ZIC3: variants seen among roughly 807,000 people sequenced by gnomAD.
ZIC3 encodes Zic family zinc finger 3.
Under a neutral mutation model 18.3 loss-of-function variants are expected in ZIC3, and 6 were observed. The ratio of observed to expected loss-of-function variants is 0.33; its 90% CI spans 0.18 to 0.65. The LOEUF (loss-of-function observed/expected upper bound fraction) is 0.65. ZIC3 is among the 30% of genes least tolerant of loss of function. ZIC3 has a pLI of 0.75. For missense variants in ZIC3, 260 were observed against 410.0 expected (o/e 0.63, Z 3.16); for synonymous variants, 175 against 177.0 (o/e 0.99, Z 0.09).
chrX:137,572,797 G>A (rs1217043319), downstream of ZIC3, among the ~76,000 whole-genome samples: 2 of 110,953 alleles, frequency 1.8e-5, no homozygotes, highest in African/African-American at 6.6e-5. Context: ...AGAGCAGTTT[G>A]ATCTTTTCTT....
At chrX:137,569,175 G>T in intron 2 of ZIC3, 110 bp downstream of exon 2, 1 of 772,296 alleles carries the variant, frequency 1.3e-6, no homozygotes, top group Non-Finnish European at 1.8e-6. Context: ...CGTTAAATCC[G>T]ATTTGCTCCA....
chrX:137,566,914 A>G lies in ZIC3; in HGVS notation c.223A>G (p.Thr75Ala). 1 of 1,165,237 alleles carries G rather than the reference A, an allele frequency of 8.6e-7. No homozygotes were observed. Among genetic ancestry groups the G allele is most frequent in the East Asian group, 3.3e-5 (1 of 30,737 alleles). Residue 75 changes from threonine (T) to alanine (A), a missense_variant, in exon 1 of 3, where the codon ACG becomes GCG. Coordinates refer to ENST00000287538, the MANE Select transcript of ZIC3 (RefSeq NM_003413.4). Reference protein sequence around the residue: ...DLSSGQSSAFTPQGSGYANAL... With the variant: ...DLSSGQSSAFAPQGSGYANAL... ...ATCTTCAGGCCAGAGCTCGGCTTTC[A>G]CGCCGCAGGGTTCGGGCTACGCCAA...
downstream of ZIC3, among the ~76,000 whole-genome samples, chrX:137,575,289 GTA>G (rs1282816082): frequency 1.8e-5 from 2 of 112,019 alleles, no homozygotes; most frequent in Non-Finnish European, 3.8e-5. Flanking sequence ...TCCGTTTTCT[GTA>G]TATCTCATTT....
chrX:137,576,890 T>A (rs1006764517), downstream of ZIC3, among the ~76,000 whole-genome samples: 3 of 112,175 alleles, frequency 2.7e-5, no homozygotes, highest in African/African-American at 9.7e-5. Context: ...TGGCAAATTA[T>A]AATATTTGAT....
exon 3 of ZIC3, chrX:137,577,336 T>C (rs1294025028): frequency 2.5e-6 from 1 of 403,330 alleles, no homozygotes; most frequent in African/African-American, 2.5e-5. Flanking sequence ...ATTTTAAGAG[T>C]AGTAGCTTCT....
At position 137,566,760 on chromosome X, in the gene ZIC3, C is replaced by A; in HGVS notation, c.69C>A (p.Arg23=). The change falls in exon 1 of 3, where the codon CGC becomes CGA. Residue 23 remains arginine, a synonymous_variant. Transcript: ENST00000287538. ...GAGTGGGCAGCTTCGGCGCGCCGCG[C>A]CACCACGAGATGCCCAACCGTGAGC... ...GLGVGSFGAP[R]HHEMPNREPA... is the part of the protein sequence containing the mutation. 2 of 1,190,467 alleles carry A rather than the reference C, an allele frequency of 1.7e-6. No homozygotes were observed. Among genetic ancestry groups the A allele is most frequent in the African/African-American group, 1.7e-5 (1 of 57,790 alleles).
At position 137,571,949 on chromosome X, in the gene ZIC3, G is replaced by C; in HGVS notation, c.*1879G>C. 2.7e-5 allele frequency among the ~76,000 whole-genome samples: 3 copies of C among 112,211 alleles called. 1 individual carries two copies. The Middle Eastern group carries it at 0.014, about 515-fold the overall frequency. On this transcript the variant is annotated 3_prime_UTR_variant, in exon 3 of 3. Coordinates refer to ENST00000287538, the MANE Select transcript of ZIC3 (RefSeq NM_003413.4). ...AATTGTAAAGTATTTAGAATGTATT[G>C]AATAGGCTTAAGTACCTCCTTTAAG...
At chrX:137,577,463 A>G (rs1043741275) in exon 3 of ZIC3, 1 of 319,141 alleles carries the variant, frequency 3.1e-6, no homozygotes. Context: ...TATAAATGGG[A>G]AGATGGAGGT....
rs1931414737 is a variant in ZIC3 at position 137,570,000 on chromosome X, C to T, written c.1334C>T (p.Pro445Leu). The T allele has an allele frequency of 8.3e-7, 1 of 1,210,459 alleles. No individual in the cohort carries two copies. Among genetic ancestry groups the T allele is most frequent in the South Asian group, 1.8e-5 (1 of 56,863 alleles). The change falls in exon 3 of 3, where the codon CCT becomes CTT. Residue 445 changes from proline (P) to leucine (L), a missense_variant. This residue lies in a region of ZIC3 where 52 missense variants were observed against 111.5 expected (regional missense o/e 0.47). Coordinates refer to ENST00000287538, the MANE Select transcript of ZIC3 (RefSeq NM_003413.4). ...AACAGTAAAGATACCACTAAAACCC[C>T]TTCTGCAGTTCAAACTAGCACCAGC... ...SANSKDTTKT[P>L]SAVQTSTSHN...
Position 137,566,652 on chromosome X carries a change from T to C in ZIC3, c.-40T>C, listed in dbSNP as rs1347570271. On this transcript the variant is annotated 5_prime_UTR_variant, in exon 1 of 3. Coordinates refer to ENST00000287538, the MANE Select transcript of ZIC3 (RefSeq NM_003413.4). ...TCTCCTCCTTCGCCGGTACCCTCTC[T>C]CACTTCGGCCGGATCGCCTGTGCCC... The C allele has an allele frequency of 8.4e-7, 1 of 1,189,797 alleles. No homozygotes were observed. Among genetic ancestry groups the C allele is most frequent in the East Asian group, 3.1e-5 (1 of 32,759 alleles).
At position 137,567,160 on chromosome X, in the gene ZIC3, C is replaced by A. The variant is rs867186935; in HGVS notation, c.469C>A (p.Pro157Thr). 8 of 1,207,843 alleles carry A rather than the reference C, an allele frequency of 6.6e-6. No homozygotes were observed. The African/African-American group carries it at 8.6e-5, about 13-fold the overall frequency. The change falls in exon 1 of 3, where the codon CCT becomes ACT. Residue 157 changes from proline (P) to threonine (T), a missense_variant. Pro to Thr is a conservative substitution (Grantham distance 38). This residue lies in a region of ZIC3 where 183 missense variants were observed against 223.8 expected (regional missense o/e 0.82). Coordinates refer to ENST00000287538, the MANE Select transcript of ZIC3 (RefSeq NM_003413.4). ...TGCTCCAGCTGGCATCCCCGAGCCC[C>A]CTAGCTACTTGCTGTTTCCCGGGCT... is the stretch of plus-strand genomic sequence containing the variant. ...LHAPAGIPEP[P>T]SYLLFPGLHE...
chrX:137,568,385 TA>T (rs1569346093), intron 1 of ZIC3, among the ~76,000 whole-genome samples: 1 of 109,697 alleles, frequency 9.1e-6, no homozygotes, highest in African/African-American at 3.4e-5. Flanking sequence ...TATCTATCTA[TA>T]TTTTTTTCCT....
chrX:137,573,881 G>A (rs974971231), downstream of ZIC3: 4 of 112,158 alleles, frequency 3.6e-5, no homozygotes, highest in Non-Finnish European at 7.5e-5. Context: ...TCTCTGTCGA[G>A]GCTCGGGCGG....
chrX:137,568,706 CCGA>C, intron 1 of ZIC3, 193 bp from the exon 2 acceptor site: 1 of 169,211 alleles, frequency 5.9e-6, no homozygotes, highest in Non-Finnish European at 1.1e-5. Context: ...CACCCCCACC[CCGA>C]CCACCACTCC....
exon 3 of ZIC3, chrX:137,577,492 T>C (rs1450998690): frequency 1.5e-5 from 4 of 270,138 alleles, no homozygotes; most frequent in African/African-American, 1.1e-4. Flanking sequence ...GCCTAATTCA[T>C]AACCCAGTAT....
At position 137,567,815 on chromosome X, in the gene ZIC3, G is replaced by A. The variant is rs1432392727; in HGVS notation, c.1060+64G>A. The A allele has an allele frequency of 2.5e-6, 3 of 1,208,716 alleles. No individual in the cohort carries two copies. In the African/African-American group the frequency reaches 5.2e-5, roughly 21 times the overall value. ...GATACCCCGTCACGCAGCGGACTTA[G>A]AGCGCGAGGGAGAGAGGTGGCGGCC... On this transcript the variant is annotated intron_variant, in intron 1 of 2. Coordinates refer to ENST00000287538, the MANE Select transcript of ZIC3 (RefSeq NM_003413.4).
In ZIC3 at chrX:137,566,267, C is replaced by T; in HGVS notation, c.-425C>T. 5.7e-6 allele frequency: 1 copy of T among 175,089 alleles called. No individual in the cohort carries two copies. Among genetic ancestry groups the T allele is most frequent in the Non-Finnish European group, 1.1e-5 (1 of 94,354 alleles). 14.4% of individuals were successfully genotyped at this position (175,089 alleles called of 1,213,427 possible). On this transcript the variant is annotated 5_prime_UTR_variant, in exon 1 of 3. Transcript: ENST00000287538. ...GGCTCCGCCACTTGGCGCAGCCCAG[C>T]CCGGAGGCCGGTACCCAGGGAGCCT...
rs769498242 is a variant in ZIC3 at position 137,567,136 on chromosome X, G to A, written c.445G>A (p.Ala149Thr). 302 of 1,205,014 alleles carry A rather than the reference G, an allele frequency of 2.5e-4. 1 individual carries two copies. In the South Asian group the frequency reaches 5.2e-3, roughly 21 times the overall value. ...LFAGSASSLH[A>T]PAGIPEPPSY... is the part of the protein sequence containing the mutation. ...CGCCGGCTCGGCGAGCAGCCTGCAT[G>A]CTCCAGCTGGCATCCCCGAGCCCCC... The change falls in exon 1 of 3, where the codon GCT becomes ACT. Residue 149 changes from alanine (A) to threonine (T), a missense_variant. Physicochemically the swap from Ala to Thr is moderately conservative, Grantham distance 58. Transcript: ENST00000287538.
downstream of ZIC3, among the ~76,000 whole-genome samples, chrX:137,575,538 A>G (rs1169173774): frequency 1.8e-5 from 2 of 111,801 alleles, no homozygotes; most frequent in Admixed American, 9.4e-5. Flanking sequence ...GAGGAAAAAA[A>G]AAATGTAAGA....
Sources: allele counts gnomAD v4.1 joint callset (sites outside exome capture counted in the v4.1 genomes callset), GRCh38; gene constraint gnomAD v4.1.1; regional missense constraint gnomAD v4.1.1; transcripts MANE v1.5; gene names NCBI Gene and HGNC (gene_info 2026-07-23, HGNC 2026-07-21).